CHIC2: variants seen among roughly 807,000 people sequenced by gnomAD.
CHIC2 encodes cysteine rich hydrophobic domain 2, also known as cysteine-rich hydrophobic domain-containing protein 2.
Under a neutral mutation model 25.9 loss-of-function variants are expected in CHIC2, and 14 were observed. The ratio of observed to expected loss-of-function variants is 0.54; its 90% confidence interval spans 0.36 to 0.85. The LOEUF (loss-of-function observed/expected upper bound fraction) is 0.85, where lower values mean the gene tolerates loss of function less well. CHIC2 is among the 40% of genes least tolerant of loss of function. The probability of loss-of-function intolerance (pLI) is 0.01; values close to 1 mark genes in which losing one functional copy is unlikely to be tolerated. For synonymous variants in CHIC2, 70 were observed against 72.0 expected (o/e 0.97, Z 0.14); for missense variants, 146 against 202.0 (o/e 0.72, Z 1.68).
At chr4:54,060,614 A>G (rs915543214) in intron 1 of CHIC2, 1 of 152,146 alleles carries the variant, frequency 6.6e-6, no homozygotes, top group Non-Finnish European at 1.5e-5. Flanking sequence ...TTTAAATTCT[A>G]ACTTTTAGAC....
intron 3 of CHIC2, among the ~76,000 whole-genome samples, chr4:54,034,346 G>C (rs574091688): frequency 6.6e-5 from 10 of 152,008 alleles, no homozygotes; most frequent in African/African-American, 2.2e-4. Context: ...AGAAGTTGTG[G>C]TGAGCTGAGA....
intron 1 of CHIC2, chr4:54,060,716 C>T (rs1274999265): frequency 6.6e-6 from 1 of 152,094 alleles, no homozygotes; most frequent in East Asian, 1.9e-4. Flanking sequence ...GCATAAGGAA[C>T]TCCATAATTT....
chr4:54,048,135 C>A (rs1203972138), intron 3 of CHIC2, among the ~76,000 whole-genome samples: 1 of 152,056 alleles, frequency 6.6e-6, no homozygotes, highest in East Asian at 1.9e-4. Context: ...ATTACAGGCA[C>A]CCGCCACCAC....
intron 3 of CHIC2, among the ~76,000 whole-genome samples, chr4:54,037,588 T>G (rs1272557918): frequency 6.6e-6 from 1 of 152,126 alleles, no homozygotes; most frequent in African/African-American, 2.4e-5. Flanking sequence ...TGTATGTCAC[T>G]GACACTTCAA....
chr4:54,018,113 G>A lies in CHIC2; in HGVS notation c.331-3994C>T, dbSNP rs531465887. Among the ~76,000 whole-genome samples the A allele has an allele frequency of 1.3e-4, 20 of 152,072 alleles. No individual in the cohort carries two copies. In the East Asian group the frequency reaches 1.5e-3, roughly 12 times the overall value. ...GTGAAAATAGGAAAAACATGAAAAC[G>A]GAAAGAGAACTAAAAGGGCCTCAGT... On this transcript the variant is annotated intron_variant, in intron 3 of 5. Coordinates refer to ENST00000263921, the MANE Select transcript of CHIC2 (RefSeq NM_012110.4).
At chr4:54,019,717 G>A (rs1482137072) in intron 3 of CHIC2, among the ~76,000 whole-genome samples, 1 of 151,994 alleles carries the variant, frequency 6.6e-6, no homozygotes, top group East Asian at 1.9e-4. Context: ...ATTAAGTTTT[G>A]AGGTCCCCAT....
intron 3 of CHIC2, among the ~76,000 whole-genome samples, chr4:54,045,428 A>G (rs1716751921): frequency 6.6e-6 from 1 of 152,176 alleles, no homozygotes; most frequent in South Asian, 2.1e-4. Flanking sequence ...AAATCCAGCA[A>G]CACATCAAAA....
rs114475879 is a variant in CHIC2 at position 54,064,527 on chromosome 4, C to T, written c.-227G>A. On this transcript the variant is annotated 5_prime_UTR_variant, in exon 1 of 6. Coordinates refer to ENST00000263921, the MANE Select transcript of CHIC2 (RefSeq NM_012110.4). This position sits in a 1 kb window ranked among gnomAD's most constrained non-coding sequence, Gnocchi z 4.2. ...ATCAGCAATAACAACAACACAATGTCAACATCCGCCCAGAGGCCGACACCT... is the reference window on the plus strand; with the variant it reads ...ATCAGCAATAACAACAACACAATGTTAACATCCGCCCAGAGGCCGACACCT... The T allele has an allele frequency of 8.8e-4, 1,226 of 1,388,030 alleles. 8 individuals are homozygous for T. In the African/African-American group the frequency reaches 0.017, roughly 19 times the overall value. The allele number at this position is 1,388,030 out of a possible 1,614,324, so 86.0% of individuals were successfully genotyped here.
intron 3 of CHIC2, among the ~76,000 whole-genome samples, chr4:54,016,117 G>T (rs1715730648): frequency 1.3e-5 from 2 of 152,070 alleles, no homozygotes; most frequent in Non-Finnish European, 2.9e-5. Context: ...ATGATTTTGG[G>T]GGTGGGTGGA....
At chr4:54,074,862 C>A in the CHIC2 span, among the ~76,000 whole-genome samples, 1 of 152,194 alleles carries the variant, frequency 6.6e-6, no homozygotes, top group Non-Finnish European at 1.5e-5. Flanking sequence ...AATCCCAACA[C>A]TTTGTGAGGC....
intron 5 of CHIC2, among the ~76,000 whole-genome samples, chr4:54,011,661 A>G (rs1386641846): frequency 6.6e-6 from 1 of 152,082 alleles, no homozygotes; most frequent in African/African-American, 2.4e-5. Flanking sequence ...ATAACATAAA[A>G]TAAAGGCTAT....
At chr4:54,059,560 T>C (rs1717271141) in intron 1 of CHIC2, 1 of 141,686 alleles carries the variant, frequency 7.1e-6, no homozygotes, top group Non-Finnish European at 1.5e-5. Context: ...AAAACAAAAA[T>C]CTCTGGAGAA....
chr4:54,047,035 A>C (rs926580231), intron 3 of CHIC2, among the ~76,000 whole-genome samples: 3 of 152,202 alleles, frequency 2.0e-5, no homozygotes, highest in African/African-American at 7.2e-5. Context: ...GCAGCCAAAA[A>C]ACACATGAAA....
chr4:54,032,997 T>G (rs1233144007), intron 3 of CHIC2, among the ~76,000 whole-genome samples: 1 of 152,138 alleles, frequency 6.6e-6, no homozygotes, highest in Non-Finnish European at 1.5e-5. Context: ...TAAAAGTGTG[T>G]GGCACCTCTC....
upstream of CHIC2, among the ~76,000 whole-genome samples, chr4:54,066,730 A>G (rs1717528399): frequency 6.6e-6 from 1 of 151,478 alleles, no homozygotes; most frequent in South Asian, 2.1e-4. Context: ...AGCTCAAGCG[A>G]TCCTCCCTCC....
At position 54,010,092 on chromosome 4, in the gene CHIC2, A is replaced by G. The variant is rs762484246; in HGVS notation, c.*3T>C. On this transcript the variant is annotated 3_prime_UTR_variant, in exon 6 of 6. Coordinates refer to ENST00000263921, the MANE Select transcript of CHIC2 (RefSeq NM_012110.4). Reference sequence around the variant, plus strand: ...TGGAAAGTCTCTATAAATAAAGTAAATGCTAATCTGGTCGAAAAATCGGTG... The same window carrying G: ...TGGAAAGTCTCTATAAATAAAGTAAGTGCTAATCTGGTCGAAAAATCGGTG... 2.3e-5 allele frequency: 36 copies of G among 1,595,464 alleles called. No homozygotes were observed. Among genetic ancestry groups the G allele is most frequent in the Non-Finnish European group, 3.0e-5 (35 of 1,163,876 alleles).
In CHIC2 at chr4:54,055,479, T is replaced by C. The variant is rs200573337; in HGVS notation, c.120-6174A>G. ...TCCTCGATCTGCCATCAACTGAGAATGGAAGGCTGCCGTTGAAGCTGATTT... is the reference window on the plus strand; with the variant it reads ...TCCTCGATCTGCCATCAACTGAGAACGGAAGGCTGCCGTTGAAGCTGATTT... On this transcript the variant is annotated intron_variant, in intron 1 of 5. Transcript: ENST00000263921. Among the ~76,000 whole-genome samples the C allele has an allele frequency of 7.2e-5, 11 of 152,326 alleles. 1 individual carries two copies. The East Asian group carries it at 2.1e-3, about 29-fold the overall frequency.
At chr4:54,022,017 C>T (rs895011005) in intron 3 of CHIC2, among the ~76,000 whole-genome samples, 2 of 152,180 alleles carry the variant, frequency 1.3e-5, no homozygotes, top group Admixed American at 6.5e-5. Flanking sequence ...ACAAGAACTC[C>T]AAACACCTGA....
At chr4:54,088,797 G>A in the CHIC2 span, among the ~76,000 whole-genome samples, 1,001 of 152,294 alleles carry the variant, frequency 6.6e-3, 7 homozygotes, top group African/African-American at 0.023. Flanking sequence ...GATAGTAGTT[G>A]GAGTGTTAAG....
Sources: allele counts gnomAD v4.1 joint callset (sites outside exome capture counted in the v4.1 genomes callset), GRCh38; gene constraint gnomAD v4.1.1; non-coding constraint Gnocchi (gnomAD v3.1); transcripts MANE v1.5; gene names NCBI Gene and HGNC (gene_info 2026-07-23, HGNC 2026-07-21).